The following SNX29 variants were observed in gnomAD, a reference collection of about 807,000 sequenced individuals.
The protein encoded by SNX29 is sorting nexin-29.
SNX29 carries 78 observed loss-of-function variants against 102.1 expected under a neutral mutation model. That is an observed-to-expected ratio of 0.76 (90% confidence interval 0.64 to 0.92). The LOEUF (loss-of-function observed/expected upper bound fraction) is 0.92, where lower values mean the gene tolerates loss of function less well. Ranked by LOEUF, SNX29 falls within the 40% of genes least tolerant of loss-of-function variation. The pLI, the probability that SNX29 is intolerant of heterozygous loss-of-function variation, is 0.00. For missense variants in SNX29, 1,280 were observed against 1,061.7 expected, an observed-to-expected ratio of 1.21 and a Z score of -2.86; for synonymous variants, 580 against 414.5, an observed-to-expected ratio of 1.40 and a Z score of -4.85.
chr16:12,522,356 C>T (rs1405585196), intron 19 of SNX29, among the ~76,000 whole-genome samples: 2 of 152,192 alleles, frequency 1.3e-5, no homozygotes, highest in African/African-American at 2.4e-5. Context: ...AAAGACTCTT[C>T]TTGCCATGCT....
chr16:12,346,762 T>C (rs2081822897), intron 15 of SNX29, among the ~76,000 whole-genome samples: 1 of 152,222 alleles, frequency 6.6e-6, no homozygotes, highest in Non-Finnish European at 1.5e-5. Flanking sequence ...TATTGTAACA[T>C]GGTCATTTCT....
chr16:12,456,081 C>A (rs1340658879), intron 18 of SNX29, among the ~76,000 whole-genome samples: 1 of 152,180 alleles, frequency 6.6e-6, no homozygotes, highest in Non-Finnish European at 1.5e-5. Context: ...TTCATTCATT[C>A]ATTCATAGTA....
rs2081621277 is a variant in SNX29, at chr16:12,341,915, C to T, written c.1783-14248C>T. On this transcript the variant is annotated intron_variant, in intron 15 of 20. Transcript: ENST00000566228. The stretch of plus-strand genomic sequence containing the variant: ...TTGTAGGGATTAGAGCAGCTGTGGG[C>T]TAGTGACTCCGTAGCTGCCAGGTCA... Among the ~76,000 whole-genome samples, 2 of 152,256 alleles carry T rather than the reference C, an allele frequency of 1.3e-5. 1 individual carries two copies. The highest frequency in any genetic ancestry group is 4.2e-4 in the South Asian group (2 of 4,814).
At chr16:12,311,600 C>T (rs74008971) in intron 15 of SNX29, among the ~76,000 whole-genome samples, 2,047 of 152,360 alleles carry the variant, frequency 0.013, 58 homozygotes, top group African/African-American at 0.046. Context: ...TCTGAGCCCT[C>T]CCTTCCTTGA....
At chr16:12,061,231 C>CG (rs2050761366) in intron 8 of SNX29, among the ~76,000 whole-genome samples, 1 of 152,208 alleles carries the variant, frequency 6.6e-6, no homozygotes, top group Non-Finnish European at 1.5e-5. Flanking sequence ...TTCATGCCCC[C>CG]CAACAGACTG....
intron 15 of SNX29, among the ~76,000 whole-genome samples, chr16:12,327,711 C>T (rs1242913570): frequency 6.9e-6 from 1 of 145,390 alleles, no homozygotes; most frequent in Admixed American, 7.2e-5. Context: ...TTGCTTGGCA[C>T]ATGGAAACAG....
intron 15 of SNX29, among the ~76,000 whole-genome samples, chr16:12,294,041 A>G (rs1043873690): frequency 6.6e-6 from 1 of 152,094 alleles, no homozygotes; most frequent in Non-Finnish European, 1.5e-5. Flanking sequence ...GCTCACAGCC[A>G]CTCTCCGGGG....
chr16:12,055,194 A>G (rs1009346060), intron 8 of SNX29, among the ~76,000 whole-genome samples: 5 of 148,420 alleles, frequency 3.4e-5, no homozygotes, highest in African/African-American at 1.2e-4. Context: ...CTGTACCTCT[A>G]ACTCCATTTC....
At chr16:12,137,721 C>T (rs2141475028) in intron 13 of SNX29, among the ~76,000 whole-genome samples, 1 of 152,346 alleles carries the variant, frequency 6.6e-6, no homozygotes, top group African/African-American at 2.4e-5. Flanking sequence ...CAGTACATTT[C>T]TTCAGTGTCC....
chr16:12,510,002 C>A (rs1397531539), intron 19 of SNX29, among the ~76,000 whole-genome samples: 2 of 152,228 alleles, frequency 1.3e-5, no homozygotes, highest in East Asian at 3.8e-4. Flanking sequence ...TGGCATTGTG[C>A]CGTAGTCCTC....
intron 20 of SNX29, among the ~76,000 whole-genome samples, chr16:12,557,109 A>G (rs77925011): frequency 0.03 from 4,503 of 150,054 alleles, 234 homozygotes; most frequent in African/African-American, 0.1. Context: ...TCAACCTCCG[A>G]AAGTGCTGAG....
intron 15 of SNX29, among the ~76,000 whole-genome samples, chr16:12,330,107 T>G (rs2081251092): frequency 6.6e-6 from 1 of 152,176 alleles, no homozygotes; most frequent in African/African-American, 2.4e-5. Context: ...ATTTACAGCT[T>G]AAGTATTAGT....
intron 11 of SNX29, among the ~76,000 whole-genome samples, chr16:12,091,023 A>T (rs939381673): frequency 2.2e-5 from 3 of 133,434 alleles, no homozygotes; most frequent in Non-Finnish European, 3.2e-5. Flanking sequence ...TCAAAAAAAA[A>T]AAAAAAAAAA....
intron 20 of SNX29, among the ~76,000 whole-genome samples, chr16:12,548,769 C>T (rs767036980): frequency 6.6e-6 from 1 of 152,146 alleles, no homozygotes; most frequent in African/African-American, 2.4e-5. Context: ...ATCTCTCATC[C>T]CCCAGCCACC....
chr16:12,466,436 T>C (rs1475843745), intron 18 of SNX29, among the ~76,000 whole-genome samples: 1 of 152,220 alleles, frequency 6.6e-6, no homozygotes, highest in Non-Finnish European at 1.5e-5. Context: ...TTAATAAAAC[T>C]TTATATACAG....
intron 13 of SNX29, among the ~76,000 whole-genome samples, chr16:12,169,671 C>T (rs2076099468): frequency 6.6e-6 from 1 of 152,118 alleles, no homozygotes; most frequent in South Asian, 2.1e-4. Context: ...ACCAGCCTGG[C>T]CAACATGGTG....
At chr16:12,054,679 T>G (rs1248729774) in intron 8 of SNX29, among the ~76,000 whole-genome samples, 1 of 152,218 alleles carries the variant, frequency 6.6e-6, no homozygotes, top group Admixed American at 6.5e-5. Context: ...GCTTGTGGAC[T>G]GCGGATCATG....
intron 13 of SNX29, among the ~76,000 whole-genome samples, 171 bp downstream of exon 13, chr16:12,129,929 C>A (rs920250496): frequency 4.6e-5 from 7 of 151,556 alleles, no homozygotes; most frequent in Admixed American, 1.3e-4. Context: ...ACAGTGAAAC[C>A]CCGTCTCTAC....
At chr16:12,553,787 C>T (rs1049352747) in intron 20 of SNX29, among the ~76,000 whole-genome samples, 6 of 152,200 alleles carry the variant, frequency 3.9e-5, no homozygotes, top group Non-Finnish European at 7.4e-5. Context: ...AGGGTTTCAC[C>T]ATGTTGGTCA....
Sources: gnomAD v4.1 joint callset for allele counts (sites outside exome capture counted in the v4.1 genomes callset) on GRCh38, gnomAD v4.1.1 for gene constraint, MANE v1.5 for transcripts, NCBI Gene and HGNC (gene_info 2026-07-23, HGNC 2026-07-21) for gene names.